CCDC171: variants seen among roughly 807,000 people sequenced by gnomAD.
CCDC171 encodes coiled-coil domain containing 171, also known as coiled-coil domain-containing protein 171.
CCDC171 carries 177 observed loss-of-function variants against 168.2 expected under a neutral mutation model. The observed-to-expected ratio is 1.05, with a 90% CI of 0.93 to 1.19. CCDC171 has a LOEUF of 1.19. CCDC171 is among the 50% of genes most tolerant of loss of function. The probability of loss-of-function intolerance (pLI) is 0.00; values close to 1 mark genes in which losing one functional copy is unlikely to be tolerated. For missense variants in CCDC171, 1,991 were observed against 1,539.0 expected (o/e 1.29, Z -4.91); for synonymous variants, 687 against 540.8 (o/e 1.27, Z -3.75).
At chr9:15,760,740 C>T (rs938029102) in intron 18 of CCDC171, among the ~76,000 whole-genome samples, 2 of 152,148 alleles carry the variant, frequency 1.3e-5, no homozygotes, top group African/African-American at 4.8e-5. Context: ...GTAGAAAGTG[C>T]TAAAGGTGGC....
intron 21 of CCDC171, among the ~76,000 whole-genome samples, chr9:15,830,155 A>G (rs1387780938): frequency 6.6e-6 from 1 of 152,138 alleles, no homozygotes; most frequent in Non-Finnish European, 1.5e-5. Flanking sequence ...GTATTTTCCT[A>G]AGTTACTAAG....
At chr9:16,050,150 G>T (rs373826539) in intron 1 of CCDC171, among the ~76,000 whole-genome samples, 2 of 152,238 alleles carry the variant, frequency 1.3e-5, no homozygotes, top group East Asian at 1.9e-4. Context: ...GCCTCCCAAA[G>T]TGCTGGGATT....
the CCDC171 span, among the ~76,000 whole-genome samples, chr9:16,103,826 T>C: frequency 6.6e-6 from 1 of 152,108 alleles, no homozygotes; most frequent in Non-Finnish European, 1.5e-5. Flanking sequence ...CTTTGACGCA[T>C]GGACTCCGGG....
At chr9:15,705,755 C>T (rs1318839994) in intron 11 of CCDC171, among the ~76,000 whole-genome samples, 1 of 152,110 alleles carries the variant, frequency 6.6e-6, no homozygotes, top group Non-Finnish European at 1.5e-5. Flanking sequence ...TATTTCAGTT[C>T]CATGAGGATG....
At chr9:15,752,650 C>T (rs958879610) in intron 18 of CCDC171, among the ~76,000 whole-genome samples, 3 of 152,044 alleles carry the variant, frequency 2.0e-5, no homozygotes, top group African/African-American at 7.2e-5. Context: ...GGACAGAAAA[C>T]CAAACAGCGC....
chr9:16,029,077 C>A (rs906899268), intron 6 of CCDC171, among the ~76,000 whole-genome samples: 1 of 151,900 alleles, frequency 6.6e-6, no homozygotes, highest in South Asian at 2.1e-4. Context: ...AAATGGAAGA[C>A]GGCAGGCGCT....
chr9:15,968,518 T>G (rs1422187607), intron 25 of CCDC171, among the ~76,000 whole-genome samples: 1 of 151,324 alleles, frequency 6.6e-6, no homozygotes, highest in Non-Finnish European at 1.5e-5. Flanking sequence ...AATCAAAGTT[T>G]CACCAGAATT....
rs113110381 is a variant in CCDC171 at position 15,692,123 on chromosome 9, C to G, written c.1216-3112C>G. Among the ~76,000 whole-genome samples, 28 of 152,322 alleles carry G rather than the reference C, an allele frequency of 1.8e-4. 2 individuals are homozygous for G. Among genetic ancestry groups the G allele is most frequent in the African/African-American group, 6.5e-4 (27 of 41,568 alleles). On this transcript the variant is annotated intron_variant, in intron 10 of 25. Coordinates refer to ENST00000380701, the MANE Select transcript of CCDC171 (RefSeq NM_173550.4). ...AGGTGTGGTGGCTCACGCCTGTAAT[C>G]TCAACGCTTTGGGAGACCAAGGTGG...
rs1564129787 is a variant in CCDC171, at chr9:16,035,487, GC to G, written n.1030del. The G allele has an allele frequency of 2.0e-5, 3 of 152,140 alleles. No individual in the cohort carries two copies. The South Asian group carries it at 6.2e-4, about 32-fold the overall frequency. The allele number at this position is 152,140 out of a possible 1,614,324, so 9.4% of individuals were successfully genotyped here. On this transcript the variant is annotated non_coding_transcript_exon_variant, in exon 7 of 10. Coordinates refer to the CCDC171 transcript ENST00000486641. ...GTGGCGAATGTCACCACCTGTGACA[GC>G]GCTCTTATTTATGAACTGAAGAACA...
chr9:16,067,344 T>G, the CCDC171 span, among the ~76,000 whole-genome samples: 1 of 151,924 alleles, frequency 6.6e-6, no homozygotes, highest in African/African-American at 2.4e-5. Flanking sequence ...TTGAGTTCAT[T>G]GTAGATTCTG....
At chr9:15,647,436 CA>C (rs1441097300) in intron 7 of CCDC171, among the ~76,000 whole-genome samples, 9 of 151,844 alleles carry the variant, frequency 5.9e-5, no homozygotes, top group African/African-American at 1.9e-4. Context: ...AAAAACCCTT[CA>C]AAAAATCAAT....
chr9:15,847,536 T>A (rs2060950979), intron 22 of CCDC171, among the ~76,000 whole-genome samples: 1 of 152,040 alleles, frequency 6.6e-6, no homozygotes, highest in African/African-American at 2.4e-5. Context: ...CATATCAAAT[T>A]TCATGGAATA....
chr9:15,959,370 C>T (rs1403216483), intron 25 of CCDC171, among the ~76,000 whole-genome samples: 1 of 152,108 alleles, frequency 6.6e-6, no homozygotes, highest in Non-Finnish European at 1.5e-5. Flanking sequence ...TTATGAGTTT[C>T]ATCTATCCTA....
At chr9:15,909,534 A>G (rs1212245473) in intron 24 of CCDC171, among the ~76,000 whole-genome samples, 1 of 152,176 alleles carries the variant, frequency 6.6e-6, no homozygotes, top group African/African-American at 2.4e-5. Flanking sequence ...CGAAACAAGT[A>G]TTTGTGGGCA....
intron 24 of CCDC171, among the ~76,000 whole-genome samples, chr9:15,915,185 A>G (rs1416617026): frequency 6.6e-6 from 1 of 152,158 alleles, no homozygotes; most frequent in Non-Finnish European, 1.5e-5. Flanking sequence ...AATTTGATAG[A>G]GATTGCATTG....
intron 24 of CCDC171, among the ~76,000 whole-genome samples, chr9:15,911,178 C>G (rs548170033): frequency 6.6e-6 from 1 of 152,306 alleles, no homozygotes; most frequent in East Asian, 1.9e-4. Context: ...TAAAAGTGTT[C>G]CTATTTCTTC....
chr9:15,953,859 T>C (rs896632155), intron 25 of CCDC171, among the ~76,000 whole-genome samples: 3 of 152,228 alleles, frequency 2.0e-5, no homozygotes, highest in African/African-American at 7.2e-5. Flanking sequence ...TTACTAGTTA[T>C]AGATCTTTTC....
rs115174949 is a variant in CCDC171 at position 15,650,964 on chromosome 9, A to C, written c.823-6163A>C. ...CTAACTTTAGGACTTATTCCTTCTA[A>C]CTGTATGTTTGTACCCATTAGTCAA... On this transcript the variant is annotated intron_variant, in intron 7 of 25. Coordinates refer to ENST00000380701, the MANE Select transcript of CCDC171 (RefSeq NM_173550.4). Among the ~76,000 whole-genome samples, 204 of 152,090 alleles carry C rather than the reference A, an allele frequency of 1.3e-3. 1 individual carries two copies. The highest frequency in any genetic ancestry group is 4.8e-3 in the African/African-American group (199 of 41,500).
intron 2 of CCDC171, among the ~76,000 whole-genome samples, chr9:15,568,493 A>C (rs1435792839): frequency 6.6e-6 from 1 of 152,074 alleles, no homozygotes; most frequent in African/African-American, 2.4e-5. Flanking sequence ...GATGGTCTCG[A>C]TCTCCTGACC....
Sources: allele counts gnomAD v4.1 joint callset (sites outside exome capture counted in the v4.1 genomes callset), GRCh38; gene constraint gnomAD v4.1.1; transcripts MANE v1.5; gene names NCBI Gene and HGNC (gene_info 2026-07-23, HGNC 2026-07-21).